TBL1XR1: variants seen among roughly 807,000 people sequenced by gnomAD.
TBL1XR1 encodes the protein TBL1X/Y related 1, also known as F-box-like/WD repeat-containing protein TBL1XR1.
TBL1XR1 carries 5 observed loss-of-function variants against 66.9 expected under a neutral mutation model. That is an observed-to-expected ratio of 0.07 (90% CI 0.04 to 0.16). The LOEUF is 0.16. TBL1XR1 is among the 10% of genes least tolerant of loss of function. TBL1XR1 has a pLI of 1.00. For missense variants in TBL1XR1, 238 were observed against 623.2 expected (o/e 0.38, Z 6.58); for synonymous variants, 210 against 206.0 (o/e 1.02, Z -0.17).
intron 1 of TBL1XR1, among the ~76,000 whole-genome samples, chr3:177,108,818 G>C (rs899975607): frequency 6.6e-6 from 1 of 152,110 alleles, no homozygotes; most frequent in Non-Finnish European, 1.5e-5. Context: ...GCTGAGACTG[G>C]TCCTGGAAAT....
intron 1 of TBL1XR1, among the ~76,000 whole-genome samples, chr3:177,155,853 T>C (rs1250549061): frequency 6.6e-6 from 1 of 151,518 alleles, no homozygotes; most frequent in African/African-American, 2.4e-5. Context: ...CTACTAAAAT[T>C]ACAGAATTAG....
rs36022409 is a variant in TBL1XR1, at chr3:177,084,087, CA to C, written c.-46+14378del. ...TGGGAGACAGGGCGAGACTCCGTCT[CA>C]AAAAAAAAAAAAAAGAAAAAAGAAA... On this transcript the variant is annotated intron_variant, in intron 2 of 15. Transcript: ENST00000457928. Among the ~76,000 whole-genome samples the C allele has an allele frequency of 1.1e-3, 79 of 74,038 alleles. 2 individuals carry two copies. Among genetic ancestry groups the C allele is most frequent in the Admixed American group, 1.9e-3 (12 of 6,446 alleles). 48.6% of individuals were successfully genotyped at this position (74,038 alleles called of 152,430 possible). A position where few individuals can be genotyped will look rare whatever the true frequency, so the allele number is the denominator to read the frequency against.
intron 1 of TBL1XR1, among the ~76,000 whole-genome samples, chr3:177,104,129 AAGAG>A (rs1553844013): frequency 2.8e-5 from 4 of 141,216 alleles, no homozygotes; most frequent in Admixed American, 7.3e-5. Context: ...AAAAAAAAAA[AAGAG>A]AGAGAGAGAA....
chr3:177,153,465 A>G (rs1048622802), intron 1 of TBL1XR1, among the ~76,000 whole-genome samples: 8 of 152,254 alleles, frequency 5.3e-5, no homozygotes, highest in African/African-American at 1.9e-4. Context: ...AATAATATCC[A>G]GTGTTTACAG....
At chr3:177,196,920 G>C (rs964642081) in intron 1 of TBL1XR1, among the ~76,000 whole-genome samples, 1 of 151,830 alleles carries the variant, frequency 6.6e-6, no homozygotes, top group Non-Finnish European at 1.5e-5. Flanking sequence ...GAGGAAAACG[G>C]GGGGATGGGG....
intron 1 of TBL1XR1, among the ~76,000 whole-genome samples, chr3:177,129,535 T>A (rs1374071537): frequency 6.6e-6 from 1 of 152,134 alleles, no homozygotes; most frequent in Non-Finnish European, 1.5e-5. Context: ...AACACAAGAA[T>A]AATGAATAGA....
chr3:177,165,204 T>C (rs1190539120), intron 1 of TBL1XR1, among the ~76,000 whole-genome samples: 2 of 152,188 alleles, frequency 1.3e-5, no homozygotes, highest in South Asian at 2.1e-4. Flanking sequence ...TACAGTAAGC[T>C]TGCAGGATAC....
At chr3:177,135,670 C>T (rs1165733772) in intron 1 of TBL1XR1, among the ~76,000 whole-genome samples, 1 of 151,958 alleles carries the variant, frequency 6.6e-6, no homozygotes, top group Non-Finnish European at 1.5e-5. Flanking sequence ...GCGTGAGCCA[C>T]CGCACCTGGC....
intron 1 of TBL1XR1, among the ~76,000 whole-genome samples, chr3:177,154,517 T>A (rs1731263570): frequency 6.6e-6 from 1 of 152,052 alleles, no homozygotes; most frequent in Non-Finnish European, 1.5e-5. Flanking sequence ...CAGCCTCAGC[T>A]TCCCGAGTAG....
rs1431743555 is a variant in TBL1XR1, at chr3:177,051,567, C to T, written c.364G>A (p.Gly122Arg). ...AAAAAAASQQ[G>R]SAKNGENTAN... ...GTGTTTTCTCCATTTTTTGCAGATC[C>T]TTGTTGGCTGGCTGCAGCTGCGGCA... is the stretch of plus-strand genomic sequence containing the variant. Residue 122 changes from glycine to arginine, a missense_variant, in exon 5 of 16, where the codon GGA becomes AGA. By Grantham distance (125) the Gly-to-Arg change is moderately radical. Transcript: ENST00000457928. The T allele has an allele frequency of 6.2e-7, 1 of 1,613,486 alleles. No homozygotes were observed. The highest frequency in any genetic ancestry group is 1.1e-5 in the South Asian group (1 of 91,044).
At chr3:177,033,689 T>A (rs905717198) in intron 13 of TBL1XR1, among the ~76,000 whole-genome samples, 3 of 152,132 alleles carry the variant, frequency 2.0e-5, no homozygotes, top group African/African-American at 7.2e-5. Flanking sequence ...TAAGTGCCCA[T>A]CAGCTAACAA....
chr3:177,096,397 TCAA>T (rs1369259461), intron 2 of TBL1XR1, among the ~76,000 whole-genome samples: 1 of 151,848 alleles, frequency 6.6e-6, no homozygotes, highest in African/African-American at 2.4e-5. Context: ...TCAGAGATTT[TCAA>T]CAAAACTGAC....
intron 3 of TBL1XR1, among the ~76,000 whole-genome samples, chr3:177,055,737 T>C (rs923532727): frequency 6.6e-6 from 1 of 152,032 alleles, no homozygotes; most frequent in Non-Finnish European, 1.5e-5. Context: ...AGGTTGGAGA[T>C]TCCTGTTTTC....
chr3:177,087,980 G>A (rs1183588375), intron 2 of TBL1XR1, among the ~76,000 whole-genome samples: 1 of 152,032 alleles, frequency 6.6e-6, no homozygotes, highest in Non-Finnish European at 1.5e-5. Flanking sequence ...TAACATTACC[G>A]TGTTAAACAT....
At chr3:177,080,261 T>C (rs1721233546) in intron 2 of TBL1XR1, among the ~76,000 whole-genome samples, 1 of 152,208 alleles carries the variant, frequency 6.6e-6, no homozygotes, top group Non-Finnish European at 1.5e-5. Context: ...GCTTTATCAT[T>C]AACATCTAAG....
chr3:177,178,017 G>A (rs1734360036), intron 1 of TBL1XR1, among the ~76,000 whole-genome samples: 1 of 152,174 alleles, frequency 6.6e-6, no homozygotes, highest in Admixed American at 6.6e-5. Context: ...GAACTGAGAG[G>A]GAATGACATA....
chr3:177,102,872 A>C (rs761110902), intron 1 of TBL1XR1, among the ~76,000 whole-genome samples: 3 of 152,154 alleles, frequency 2.0e-5, no homozygotes, highest in Non-Finnish European at 2.9e-5. Flanking sequence ...CCAGCTTAAC[A>C]TATCTCCCTT....
rs990612971 is a variant in TBL1XR1, at chr3:177,032,951, T to C, written c.1416+20A>G. Reference sequence around the variant, plus strand: ...ACCTAAATTTAAGAGCACTTGACCATTTAAATAATGAAGACATACCTGCGT... The same window carrying C: ...ACCTAAATTTAAGAGCACTTGACCACTTAAATAATGAAGACATACCTGCGT... On this transcript the variant is annotated intron_variant, in intron 14 of 15. Transcript: ENST00000457928. The C allele has an allele frequency of 7.9e-6, 12 of 1,516,116 alleles. No homozygotes were observed. Among genetic ancestry groups the C allele is most frequent in the African/African-American group, 1.4e-5 (1 of 72,456 alleles). The allele number at this position is 1,516,116 out of a possible 1,614,324, so 93.9% of individuals were successfully genotyped here.
At chr3:177,059,875 C>T (rs1216541123) in intron 3 of TBL1XR1, among the ~76,000 whole-genome samples, 1 of 152,180 alleles carries the variant, frequency 6.6e-6, no homozygotes, top group African/African-American at 2.4e-5. Flanking sequence ...TAGGATAAAG[C>T]AGGCAGAAGA....
Sources: allele counts gnomAD v4.1 joint callset (sites outside exome capture counted in the v4.1 genomes callset), GRCh38; gene constraint gnomAD v4.1.1; transcripts MANE v1.5; gene names NCBI Gene and HGNC (gene_info 2026-07-23, HGNC 2026-07-21).